The following SNTA1 variants were observed in gnomAD, a reference collection of about 807,000 sequenced individuals.
SNTA1 encodes the protein alpha-1-syntrophin.
Under a neutral mutation model 47.1 loss-of-function variants are expected in SNTA1, and 31 were observed. That is an observed-to-expected ratio of 0.66 (90% CI 0.49 to 0.89). SNTA1 has a LOEUF of 0.89. SNTA1 is among the 40% of genes least tolerant of loss of function. SNTA1 has a pLI of 0.00. For synonymous variants in SNTA1, 300 were observed against 313.6 expected (o/e 0.96, Z 0.46); for missense variants, 575 against 693.0 (o/e 0.83, Z 1.91).
chr20:33,428,480 G>A (rs1056985566), intron 2 of SNTA1, among the ~76,000 whole-genome samples: 2 of 151,958 alleles, frequency 1.3e-5, no homozygotes, highest in South Asian at 2.1e-4. Context: ...AACTTATTAC[G>A]TGATAAAAGC....
chr20:33,434,026 C>T (rs1990374121), intron 2 of SNTA1, among the ~76,000 whole-genome samples: 1 of 152,160 alleles, frequency 6.6e-6, no homozygotes, highest in Admixed American at 6.6e-5. Flanking sequence ...TATCCAGTTG[C>T]CTTGCCAAGT....
intron 2 of SNTA1, among the ~76,000 whole-genome samples, chr20:33,437,690 G>A (rs1039824175): frequency 3.9e-5 from 6 of 152,044 alleles, no homozygotes; most frequent in African/African-American, 1.2e-4. Flanking sequence ...ATCAGCCCCC[G>A]CCACCTCCCT....
rs779917751 is a variant in SNTA1, at chr20:33,408,502, G to A, written c.*5C>T. ...CCTCTTCAGGGCTAGTGCATCCGGC[G>A]ACTTCTAGGCCAACAGCCCGAGGCG... On this transcript the variant is annotated 3_prime_UTR_variant, in exon 8 of 8. Coordinates refer to ENST00000217381, the MANE Select transcript of SNTA1 (RefSeq NM_003098.3). 7.5e-6 allele frequency: 12 copies of A among 1,608,428 alleles called. No homozygotes were observed. The highest frequency in any genetic ancestry group is 2.2e-5 in the East Asian group (1 of 44,852).
intron 2 of SNTA1, among the ~76,000 whole-genome samples, chr20:33,426,809 G>C (rs566952860): frequency 7.2e-5 from 11 of 151,828 alleles, no homozygotes. Flanking sequence ...GCTCACACCT[G>C]TGAGCACTTT....
intron 6 of SNTA1, among the ~76,000 whole-genome samples, chr20:33,409,672 C>T (rs960496803): frequency 6.6e-6 from 1 of 150,398 alleles, no homozygotes; most frequent in Non-Finnish European, 1.5e-5. Flanking sequence ...CTTGCTCTGT[C>T]GCCCAGGCTG....
intron 2 of SNTA1, among the ~76,000 whole-genome samples, chr20:33,432,776 G>A (rs1022132876): frequency 4.6e-5 from 7 of 152,086 alleles, no homozygotes; most frequent in African/African-American, 9.7e-5. Flanking sequence ...TAGGAGGATC[G>A]CTTGAGCCCA....
In SNTA1 at chr20:33,443,505, A is replaced by G; in HGVS notation, c.116T>C (p.Val39Ala). ...QRVLLSLAED[V>A]LTVSPADGDP... ...GCCGTCGGCGGGGCTCACGGTCAGC[A>G]CGTCCTCCGCCAGACTCAGCAGCAC... Residue 39 changes from valine to alanine, a missense_variant, in exon 1 of 8, where the codon GTG (valine) becomes GCG (alanine). Physicochemically the swap from Val to Ala is moderately conservative, Grantham distance 64. Transcript: ENST00000217381. 1 of 1,379,534 alleles carries G rather than the reference A, an allele frequency of 7.2e-7. No homozygotes were observed. Among genetic ancestry groups the G allele is most frequent in the Non-Finnish European group, 9.4e-7 (1 of 1,061,456 alleles). 85.5% of individuals were successfully genotyped at this position (1,379,534 alleles called of 1,614,324 possible). A position where few individuals can be genotyped will look rare whatever the true frequency, so the allele number is the denominator to read the frequency against.
At chr20:33,412,248 T>C (rs1213264154) in intron 5 of SNTA1, 48 bp downstream of exon 5, 2 of 1,586,008 alleles carry the variant, frequency 1.3e-6, no homozygotes, top group Non-Finnish European at 1.7e-6. Context: ...TGCTGGAGCA[T>C]CTCCTGGCAA....
At chr20:33,413,241 C>T (rs1989790621) in intron 3 of SNTA1, among the ~76,000 whole-genome samples, 1 of 152,174 alleles carries the variant, frequency 6.6e-6, no homozygotes, top group East Asian at 1.9e-4. Flanking sequence ...GATCCGCCTG[C>T]CTCAGCCTCC....
intron 1 of SNTA1, among the ~76,000 whole-genome samples, chr20:33,441,404 G>A (rs1391028644): frequency 6.6e-6 from 1 of 152,206 alleles, no homozygotes; most frequent in Non-Finnish European, 1.5e-5. Flanking sequence ...TAGTGGCCCA[G>A]AGTGGGAGGT....
intron 2 of SNTA1, among the ~76,000 whole-genome samples, chr20:33,418,216 C>T (rs1186265151): frequency 2.0e-5 from 3 of 151,088 alleles, no homozygotes; most frequent in African/African-American, 7.3e-5. Flanking sequence ...AAGAAAGACT[C>T]TATTTCCCAG....
In SNTA1 at chr20:33,443,537, C is replaced by T; in HGVS notation, c.84G>A (p.Trp28Ter). Residue 28 changes from tryptophan (W) to a stop codon, truncating the protein, a stop_gained, in exon 1 of 8, where the codon TGG (tryptophan) becomes TGA (stop). Coordinates refer to ENST00000217381, the MANE Select transcript of SNTA1 (RefSeq NM_003098.3). LOFTEE classifies it high-confidence loss of function. ...GAGSGAGGER[W>*]QRVLLSLAED... ...CCGCCAGACTCAGCAGCACCCGCTG[C>T]CATCGCTCGCCGCCGGCCCCCGAGC... 4 of 1,345,976 alleles carry T rather than the reference C, an allele frequency of 3.0e-6. No individual in the cohort carries two copies. The highest frequency in any genetic ancestry group is 3.8e-6 in the Non-Finnish European group (4 of 1,041,524). The allele number at this position is 1,345,976 out of a possible 1,614,324, so 83.4% of individuals were successfully genotyped here.
intron 2 of SNTA1, among the ~76,000 whole-genome samples, chr20:33,418,938 AC>A (rs1989952731): frequency 6.6e-6 from 1 of 151,740 alleles, no homozygotes; most frequent in Non-Finnish European, 1.5e-5. Context: ...ACAAGGTGAA[AC>A]CCTGTCTCTA....
intron 2 of SNTA1, among the ~76,000 whole-genome samples, chr20:33,437,875 G>A (rs1337222689): frequency 1.3e-5 from 2 of 152,250 alleles, no homozygotes; most frequent in Admixed American, 6.5e-5. Context: ...TGGGGAAACC[G>A]AGGCCCACAG....
chr20:33,440,367 A>C (rs929826898), intron 1 of SNTA1, among the ~76,000 whole-genome samples: 1 of 152,150 alleles, frequency 6.6e-6, no homozygotes, highest in African/African-American at 2.4e-5. Context: ...GAGTCAGGAG[A>C]ATTGCTTGAA....
intron 2 of SNTA1, among the ~76,000 whole-genome samples, chr20:33,429,201 G>T (rs762572207): frequency 2.0e-5 from 3 of 151,658 alleles, no homozygotes; most frequent in Non-Finnish European, 4.4e-5. Context: ...GCCAGGCATG[G>T]TGGCACATGC....
chr20:33,432,575 C>T (rs1990337589), intron 2 of SNTA1, among the ~76,000 whole-genome samples: 1 of 152,126 alleles, frequency 6.6e-6, no homozygotes, highest in African/African-American at 2.4e-5. Context: ...TTCCAGTTTA[C>T]TAAAGAAAAC....
At chr20:33,433,614 C>T (rs1455781416) in intron 2 of SNTA1, among the ~76,000 whole-genome samples, 4 of 152,126 alleles carry the variant, frequency 2.6e-5, no homozygotes, top group Non-Finnish European at 4.4e-5. Context: ...ACAGTCCTGC[C>T]AGCCACACTG....
chr20:33,412,702 G>C lies in SNTA1; in HGVS notation c.782C>G (p.Ala261Gly). The C allele has an allele frequency of 6.2e-7, 1 of 1,613,578 alleles. No individual in the cohort carries two copies. Among genetic ancestry groups the C allele is most frequent in the Non-Finnish European group, 8.5e-7 (1 of 1,179,912 alleles). Residue 261 changes from alanine (A) to glycine (G), a missense_variant, in exon 4 of 8, where the codon GCG becomes GGG. Physicochemically the swap from Ala to Gly is moderately conservative, Grantham distance 60. Transcript: ENST00000217381. Reference protein sequence around the residue: ...AKDEASARSWATAIQAQVNTL... With the variant: ...AKDEASARSWGTAIQAQVNTL... ...ATTGACCTGGGCTTGGATGGCAGTC[G>C]CCCACGACCTCGCACTAGCCTCATC... is the stretch of plus-strand genomic sequence containing the variant.
Sources: allele counts gnomAD v4.1 joint callset (sites outside exome capture counted in the v4.1 genomes callset), GRCh38; gene constraint gnomAD v4.1.1; transcripts MANE v1.5; gene names NCBI Gene and HGNC (gene_info 2026-07-23, HGNC 2026-07-21).